The following TP73 variants were observed in gnomAD, a reference collection of about 807,000 sequenced individuals.
TP73 encodes p53-like transcription factor.
In TP73, 25 loss-of-function variants were observed where a neutral mutation model predicts 62.5. That is an observed-to-expected ratio of 0.40 (90% CI 0.29 to 0.56). TP73 has a LOEUF of 0.56. Ranked by LOEUF, TP73 falls within the 20% of genes least tolerant of loss-of-function variation. The pLI, the probability that TP73 is intolerant of heterozygous loss-of-function variation, is 0.46. For synonymous variants in TP73, 423 were observed against 377.5 expected (o/e 1.12, Z -1.40); for missense variants, 754 against 913.3 (o/e 0.83, Z 2.25).
chr1:3,700,793 A>G (rs1639096292), intron 3 of TP73, among the ~76,000 whole-genome samples: 1 of 152,176 alleles, frequency 6.6e-6, no homozygotes, highest in South Asian at 2.1e-4. Flanking sequence ...AAAAAAAAAA[A>G]GTCACTTGAG....
chr1:3,704,478 G>T (rs948759524), intron 3 of TP73, among the ~76,000 whole-genome samples: 7 of 152,156 alleles, frequency 4.6e-5, no homozygotes, highest in African/African-American at 1.7e-4. Context: ...AGCCATGGGG[G>T]ACATGCGAGC....
At position 3,719,830 on chromosome 1, in the gene TP73, G is replaced by A. The variant is rs763030965; in HGVS notation, c.430-2191G>A. 7.2e-5 allele frequency among the ~76,000 whole-genome samples: 11 copies of A among 152,186 alleles called. No homozygotes were observed. The East Asian group carries it at 9.6e-4, about 13-fold the overall frequency. ...GCAGCTCCGACAGTCCAGGGCAGGC[G>A]CCCGCACAGGGGTGGGCTGCTAGCT... On this transcript the variant is annotated intron_variant, in intron 4 of 13. Transcript: ENST00000378295.
chr1:3,682,876 T>C (rs557506665), intron 2 of TP73, among the ~76,000 whole-genome samples, 184 bp from the exon 3 acceptor site: 1 of 152,302 alleles, frequency 6.6e-6, no homozygotes, highest in South Asian at 2.1e-4. Context: ...TCTGCCTCTC[T>C]GGCACTCACA....
chr1:3,721,916 T>C (rs1641100962), intron 4 of TP73, 105 bp from the exon 5 acceptor site: 2 of 1,232,536 alleles, frequency 1.6e-6, no homozygotes, highest in East Asian at 5.0e-5. Context: ...CTGGGGGTTG[T>C]GGAAGGGGCA....
At chr1:3,710,775 T>C (rs1353284188) in intron 4 of TP73, among the ~76,000 whole-genome samples, 1 of 152,184 alleles carries the variant, frequency 6.6e-6, no homozygotes, top group Non-Finnish European at 1.5e-5. Flanking sequence ...CCCACATGCA[T>C]GCACACACGT....
chr1:3,681,336 G>A (rs373489876), intron 1 of TP73, among the ~76,000 whole-genome samples: 16 of 152,266 alleles, frequency 1.1e-4, no homozygotes, highest in East Asian at 5.8e-4. Flanking sequence ...CACCTCAGCC[G>A]GGGCTGGGGG....
chr1:3,727,647 C>T lies in TP73; in HGVS notation c.862C>T (p.Arg288Trp), dbSNP rs755465237. The T allele has an allele frequency of 1.1e-5, 17 of 1,600,566 alleles. No individual in the cohort carries two copies. Among genetic ancestry groups the T allele is most frequent in the South Asian group, 3.4e-5 (3 of 88,604 alleles). Residue 288 changes from arginine (R) to tryptophan (W), a missense_variant, in exon 8 of 14, where the codon CGG (arginine) becomes TGG (tryptophan). Around this residue, in one of 3 missense-constraint regions of TP73, gnomAD observed 458 missense variants for 528.7 expected, o/e 0.87. Transcript: ENST00000378295. ...EMRDGQVLGR[R>W]SFEGRICACP... ...CGACAGTGGGCAGGTGCTGGGCCGC[C>T]GGTCCTTTGAGGGCCGCATCTGCGC...
At position 3,727,196 on chromosome 1, in the gene TP73, C is replaced by T. The variant is rs771944507; in HGVS notation, c.814C>T (p.Leu272Phe). The change falls in exon 7 of 14, where the codon CTC becomes TTC. Residue 272 changes from leucine (L) to phenylalanine (F), a missense_variant. Physicochemically the swap from Leu to Phe is conservative, Grantham distance 22. Transcript: ENST00000378295. ...CVGGMNRRPILIIITLEMRDG... is the reference protein window; with the variant it reads ...CVGGMNRRPIFIIITLEMRDG... ...AGGGGGCATGAACCGGCGGCCCATC[C>T]TCATCATCATCACCCTGGAGATGCG... 6.2e-7 allele frequency: 1 copy of T among 1,612,054 alleles called. No homozygotes were observed. Among genetic ancestry groups the T allele is most frequent in the African/African-American group, 1.3e-5 (1 of 74,850 alleles).
At chr1:3,718,712 G>A (rs1161848489) in intron 4 of TP73, among the ~76,000 whole-genome samples, 1 of 152,096 alleles carries the variant, frequency 6.6e-6, no homozygotes, top group Non-Finnish European at 1.5e-5. Context: ...ACTGGCTGAG[G>A]AGCCCAGGCG....
rs1440414202 is a variant in TP73 at position 3,699,943 on chromosome 1, G to A, written c.187-7606G>A. ...GACTGCATGGCCAGACCGTGGGCTCGGGCCCCAGTCTCCTGATCTCCGCCA... is the reference window on the plus strand; with the variant it reads ...GACTGCATGGCCAGACCGTGGGCTCAGGCCCCAGTCTCCTGATCTCCGCCA... On this transcript the variant is annotated intron_variant, in intron 3 of 13. Coordinates refer to ENST00000378295, the MANE Select transcript of TP73 (RefSeq NM_005427.4). The surrounding 1 kb of genome is among the most constrained non-coding windows in gnomAD (Gnocchi z 4.1). 6.6e-6 allele frequency among the ~76,000 whole-genome samples: 1 copy of A among 152,052 alleles called. No individual in the cohort carries two copies. Among genetic ancestry groups the A allele is most frequent in the African/African-American group, 2.4e-5 (1 of 41,412 alleles).
In TP73 at chr1:3,696,832, G is replaced by T. The variant is rs1054233794; in HGVS notation, c.187-10717G>T. ...CAGTTGTCCTAACTGGAGATCCAGG[G>T]ATCAGAGGAGCCACCCCACTCACCC... is the stretch of plus-strand genomic sequence containing the variant. On this transcript the variant is annotated intron_variant, in intron 3 of 13. Transcript: ENST00000378295. The surrounding 1 kb of genome is among the most constrained non-coding windows in gnomAD (Gnocchi z 4.1). Among the ~76,000 whole-genome samples, 10 of 152,118 alleles carry T rather than the reference G, an allele frequency of 6.6e-5. No homozygotes were observed. Among genetic ancestry groups the T allele is most frequent in the Non-Finnish European group, 1.2e-4 (8 of 67,994 alleles).
chr1:3,680,766 G>A (rs946448150), intron 1 of TP73, among the ~76,000 whole-genome samples: 2 of 152,210 alleles, frequency 1.3e-5, no homozygotes, highest in African/African-American at 4.8e-5. Context: ...TTAAATTAAC[G>A]GAATGGTGCG....
At position 3,701,010 on chromosome 1, in the gene TP73, G is replaced by A. The variant is rs923651211; in HGVS notation, c.187-6539G>A. 4.6e-5 allele frequency among the ~76,000 whole-genome samples: 7 copies of A among 152,332 alleles called. No homozygotes were observed. In the South Asian group the frequency reaches 1.2e-3, roughly 27 times the overall value. On this transcript the variant is annotated intron_variant, in intron 3 of 13. Transcript: ENST00000378295. The surrounding 1 kb of genome is among the most constrained non-coding windows in gnomAD (Gnocchi z 4.7). ...TCCACATTCTGAGGAAGGCAGCCTG[G>A]ACCCTGGGCACTGTCTGGGCTTGGG... is the stretch of plus-strand genomic sequence containing the variant.
At chr1:3,680,744 C>A (rs1216901482) in intron 1 of TP73, among the ~76,000 whole-genome samples, 1 of 152,242 alleles carries the variant, frequency 6.6e-6, no homozygotes, top group Non-Finnish European at 1.5e-5. Flanking sequence ...CTTCCTGTCA[C>A]ACTCTCCCAT....
intron 4 of TP73, among the ~76,000 whole-genome samples, chr1:3,708,744 C>A (rs1237443486): frequency 2.6e-5 from 4 of 152,254 alleles, no homozygotes; most frequent in Admixed American, 2.6e-4. Flanking sequence ...CCCCAAGAGC[C>A]CTCCGGGTCT....
rs758360970 is a variant in TP73, at chr1:3,722,188, C to T, written c.597C>T (p.Leu199=). The T allele has an allele frequency of 4.3e-6, 7 of 1,612,480 alleles. No homozygotes were observed. The highest frequency in any genetic ancestry group is 2.2e-5 in the South Asian group (2 of 91,074). The change falls in exon 5 of 14, where the codon CTC becomes CTT. Residue 199 remains leucine, a synonymous_variant. Transcript: ENST00000378295. ...TGAAACGCTGCCCCAACCACGAGCT[C>T]GGGAGGGACTTCAACGAAGGTGAGG... ...DVVKRCPNHE[L]GRDFNEGQSA...
chr1:3,709,238 G>A (rs909021967), intron 4 of TP73, among the ~76,000 whole-genome samples: 6 of 152,168 alleles, frequency 3.9e-5, no homozygotes, highest in Admixed American at 6.5e-5. Context: ...GGCTCAGCCC[G>A]GACTCGCTGG....
At chr1:3,697,309 T>C (rs754122848) in intron 3 of TP73, among the ~76,000 whole-genome samples, 1 of 152,180 alleles carries the variant, frequency 6.6e-6, no homozygotes, top group Non-Finnish European at 1.5e-5. Context: ...TCTGCTCAGC[T>C]CCGACCACCT....
intron 1 of TP73, among the ~76,000 whole-genome samples, chr1:3,671,989 C>T (rs374554496): frequency 2.4e-4 from 37 of 152,144 alleles, no homozygotes; most frequent in East Asian, 1.4e-3. Flanking sequence ...TGAGTCAGGG[C>T]GGGACTCAGA....
Sources: gnomAD v4.1 joint callset for allele counts (sites outside exome capture counted in the v4.1 genomes callset) on GRCh38, gnomAD v4.1.1 for gene constraint, gnomAD v4.1.1 regional missense constraint, Gnocchi (gnomAD v3.1) non-coding constraint, MANE v1.5 for transcripts, NCBI Gene and HGNC (gene_info 2026-07-23, HGNC 2026-07-21) for gene names.